Variants in DCC observed in about 807,000 individuals in gnomAD.
DCC encodes netrin receptor DCC.
DCC carries 58 observed loss-of-function variants against 172.5 expected under a neutral mutation model. That is an observed-to-expected ratio of 0.34 (90% CI 0.27 to 0.42). The LOEUF (loss-of-function observed/expected upper bound fraction) is 0.42, where lower values mean the gene tolerates loss of function less well. Among genes scored for constraint, DCC ranks in the 10% least tolerant of loss-of-function variants. DCC has a pLI of 1.00. For synonymous variants in DCC, 709 were observed against 644.5 expected, an observed-to-expected ratio of 1.10 and a Z score of -1.52; for missense variants, 1,740 against 1,791.0, an observed-to-expected ratio of 0.97 and a Z score of 0.51.
intron 2 of DCC, among the ~76,000 whole-genome samples, chr18:52,805,580 T>C (rs540358996): frequency 7.4e-4 from 113 of 152,344 alleles, no homozygotes; most frequent in African/African-American, 2.6e-3. Flanking sequence ...TATAGAAAGA[T>C]ATTTTAAAAA....
At chr18:53,292,524 T>A (rs2144752578) in intron 12 of DCC, among the ~76,000 whole-genome samples, 1 of 152,142 alleles carries the variant, frequency 6.6e-6, no homozygotes, top group African/African-American at 2.4e-5. Flanking sequence ...CTGTCTCCAC[T>A]AAACATACAA....
At chr18:53,506,635 A>T (rs2046179841) in intron 27 of DCC, among the ~76,000 whole-genome samples, 1 of 152,256 alleles carries the variant, frequency 6.6e-6, no homozygotes, top group African/African-American at 2.4e-5. Context: ...AGGCAGGCAG[A>T]TTGCCTGAGC....
At chr18:53,459,606 G>T in intron 24 of DCC, 148 bp downstream of exon 24, 2 of 677,776 alleles carry the variant, frequency 3.0e-6, no homozygotes, top group Admixed American at 2.1e-5. Context: ...ATATAAATTT[G>T]GTTGATTAAC....
chr18:53,506,714 C>CGCT (rs972668738), intron 27 of DCC, among the ~76,000 whole-genome samples: 5 of 152,032 alleles, frequency 3.3e-5, no homozygotes, highest in African/African-American at 1.2e-4. Flanking sequence ...AAAAATTAGC[C>CGCT]GGGCATGGTG....
intron 1 of DCC, among the ~76,000 whole-genome samples, chr18:52,665,244 T>C (rs1446594850): frequency 6.6e-6 from 1 of 152,186 alleles, no homozygotes; most frequent in Non-Finnish European, 1.5e-5. Context: ...AGCTGAGGGC[T>C]GATGGGTTAG....
chr18:52,351,259 T>C lies in DCC; in HGVS notation c.91+10381T>C, dbSNP rs113248622. ...GGACCACTAGAACTAAACATAATAA[T>C]GGCTTAGCTAAGGCTGGAGAAGACT... On this transcript the variant is annotated intron_variant, in intron 1 of 28. Coordinates refer to ENST00000442544, the MANE Select transcript of DCC (RefSeq NM_005215.4). 6.3e-3 allele frequency among the ~76,000 whole-genome samples: 962 copies of C among 152,264 alleles called. 17 individuals carry two copies. Among genetic ancestry groups the C allele is most frequent in the African/African-American group, 0.021 (893 of 41,556 alleles).
At chr18:52,839,499 C>T (rs1269672845) in intron 2 of DCC, among the ~76,000 whole-genome samples, 2 of 152,158 alleles carry the variant, frequency 1.3e-5, no homozygotes, top group Non-Finnish European at 2.9e-5. Context: ...GAAATGATTG[C>T]ACGACTAGGC....
intron 5 of DCC, among the ~76,000 whole-genome samples, chr18:52,972,094 C>A (rs1009962206): frequency 6.6e-6 from 1 of 152,084 alleles, no homozygotes; most frequent in Admixed American, 6.6e-5. Context: ...AAGAGAAAGG[C>A]AATATATGAA....
chr18:52,927,425 C>T (rs182957545), intron 5 of DCC, among the ~76,000 whole-genome samples: 2 of 151,852 alleles, frequency 1.3e-5, no homozygotes, highest in African/African-American at 4.8e-5. Flanking sequence ...ACAGGCAGTG[C>T]ATTTCTATAC....
intron 1 of DCC, among the ~76,000 whole-genome samples, chr18:52,615,887 A>G (rs564800219): frequency 1.3e-5 from 2 of 152,332 alleles, no homozygotes; most frequent in African/African-American, 4.8e-5. Flanking sequence ...ATGCTTATCA[A>G]TGTGTATACA....
At chr18:52,642,056 G>A (rs1364411075) in intron 1 of DCC, among the ~76,000 whole-genome samples, 87 of 5,264 alleles carry the variant, frequency 0.017, 1 homozygote, top group East Asian at 0.031. Flanking sequence ...ACTGTGGTGT[G>A]TGTGTGTATA....
At chr18:52,764,482 C>T (rs1240937914) in intron 2 of DCC, among the ~76,000 whole-genome samples, 2 of 152,196 alleles carry the variant, frequency 1.3e-5, no homozygotes, top group East Asian at 1.9e-4. Flanking sequence ...GTGCCATCCT[C>T]ACAGTGATAA....
intron 2 of DCC, among the ~76,000 whole-genome samples, chr18:52,787,525 A>G (rs2037682842): frequency 6.6e-6 from 1 of 152,124 alleles, no homozygotes; most frequent in African/African-American, 2.4e-5. Flanking sequence ...TAGAAATCCC[A>G]TGCACTGTTG....
At chr18:52,688,062 G>C (rs2035869876) in intron 1 of DCC, among the ~76,000 whole-genome samples, 1 of 151,504 alleles carries the variant, frequency 6.6e-6, no homozygotes, top group African/African-American at 2.4e-5. Flanking sequence ...TTAGTGCACT[G>C]TTAGATGTAG....
intron 6 of DCC, 56 bp from the exon 7 acceptor site, chr18:53,065,990 G>A: frequency 6.2e-7 from 1 of 1,606,572 alleles, no homozygotes; most frequent in Non-Finnish European, 8.5e-7. Context: ...AGTTCATTTT[G>A]TCACCTTGCA....
intron 2 of DCC, among the ~76,000 whole-genome samples, chr18:52,884,182 A>G (rs1004940485): frequency 1.3e-4 from 20 of 151,972 alleles, no homozygotes; most frequent in African/African-American, 4.6e-4. Flanking sequence ...AGTCTTCTTC[A>G]GGTTAAATCT....
In DCC at chr18:52,794,080, A is replaced by G. The variant is rs561484582; in HGVS notation, c.412+41706A>G. Among the ~76,000 whole-genome samples, 3 of 152,248 alleles carry G rather than the reference A, an allele frequency of 2.0e-5. No homozygotes were observed. The South Asian group carries it at 6.2e-4, about 32-fold the overall frequency. On this transcript the variant is annotated intron_variant, in intron 2 of 28. Transcript: ENST00000442544. ...AGCTTTGTAGTATATGTTAGGTAGT[A>G]TGATGCTTCTAGCTTTTTCCATTTT...
chr18:52,733,029 G>A (rs886166698), intron 1 of DCC, among the ~76,000 whole-genome samples: 4 of 152,232 alleles, frequency 2.6e-5, no homozygotes, highest in Middle Eastern at 3.4e-3. Context: ...CCTGTTTGTA[G>A]CTACAGCCAT....
At chr18:52,676,981 C>T (rs1251965472) in intron 1 of DCC, among the ~76,000 whole-genome samples, 1 of 151,870 alleles carries the variant, frequency 6.6e-6, no homozygotes, top group Non-Finnish European at 1.5e-5. Flanking sequence ...TTTTTTTTCC[C>T]CCAAACTACT....
Sources: gnomAD v4.1 joint callset for allele counts (sites outside exome capture counted in the v4.1 genomes callset) on GRCh38, gnomAD v4.1.1 for gene constraint, MANE v1.5 for transcripts, NCBI Gene and HGNC (gene_info 2026-07-23, HGNC 2026-07-21) for gene names.